HTR4: variants seen among roughly 807,000 people sequenced by gnomAD.
HTR4 encodes the protein 5-hydroxytryptamine (serotonin) receptor 4, G protein-coupled.
In HTR4, 16 loss-of-function variants were observed where a neutral mutation model predicts 36.8. The observed-to-expected ratio is 0.43, with a 90% CI of 0.29 to 0.66. The LOEUF is 0.66. Ranked by LOEUF, HTR4 falls within the 30% of genes least tolerant of loss-of-function variation. The pLI is 0.13. For synonymous variants in HTR4, 189 were observed against 185.1 expected (o/e 1.02, Z -0.17); for missense variants, 438 against 490.9 (o/e 0.89, Z 1.02).
intron 6 of HTR4, among the ~76,000 whole-genome samples, chr5:148,504,783 T>C (rs1330890234): frequency 1.3e-5 from 2 of 152,062 alleles, no homozygotes; most frequent in Admixed American, 6.6e-5. Flanking sequence ...AAGAATCAAA[T>C]AGACGCAATA....
At chr5:148,567,790 T>C (rs1037828380) in intron 2 of HTR4, among the ~76,000 whole-genome samples, 19 of 152,186 alleles carry the variant, frequency 1.2e-4, no homozygotes, top group African/African-American at 3.4e-4. Flanking sequence ...TTCTAATGAA[T>C]GTAGCATACT....
intron 2 of HTR4, among the ~76,000 whole-genome samples, chr5:148,557,871 G>C (rs560585797): frequency 4.6e-5 from 7 of 151,168 alleles, no homozygotes; most frequent in African/African-American, 1.7e-4. Context: ...AGGAAGCAAG[G>C]AGGCAGGGAA....
chr5:148,596,855 G>T (rs748626049), intron 2 of HTR4, among the ~76,000 whole-genome samples: 41 of 152,152 alleles, frequency 2.7e-4, no homozygotes, highest in Non-Finnish European at 5.3e-4. Context: ...GGTGCTAAAA[G>T]TTCAGTAGTG....
chr5:148,470,170 T>C (rs1217869414), intron 5 of HTR4, among the ~76,000 whole-genome samples: 1 of 152,230 alleles, frequency 6.6e-6, no homozygotes, highest in African/African-American at 2.4e-5. Context: ...ACAAGTATTT[T>C]TGAATAACTG....
rs541041160 is a variant in HTR4 at position 148,488,859 on chromosome 5, T to C, written c.1077-5566A>G. ...TTAATCTCATCACCAGTCTCAGATA[T>C]GTCCATGTTTCAATACACCAAAGTG... On this transcript the variant is annotated intron_variant, in intron 6 of 6. Transcript: ENST00000377888. Among the ~76,000 whole-genome samples the C allele has an allele frequency of 5.3e-5, 8 of 152,332 alleles. No homozygotes were observed. In the East Asian group the frequency reaches 1.5e-3, roughly 29 times the overall value.
chr5:148,532,834 C>A lies in HTR4; in HGVS notation c.354-9488G>T, dbSNP rs138901369. Reference sequence around the variant, plus strand: ...CAAATTGTATCATCTGTCAGAATCACTTAAAGGATTTGTTGAAACACAGAT... The same window carrying A: ...CAAATTGTATCATCTGTCAGAATCAATTAAAGGATTTGTTGAAACACAGAT... On this transcript the variant is annotated intron_variant, in intron 4 of 6. Coordinates refer to ENST00000377888, the MANE Select transcript of HTR4 (RefSeq NM_000870.7). Among the ~76,000 whole-genome samples the A allele has an allele frequency of 2.6e-4, 39 of 152,314 alleles. 2 individuals are homozygous for A. The East Asian group carries it at 7.3e-3, about 29-fold the overall frequency.
intron 4 of HTR4, among the ~76,000 whole-genome samples, chr5:148,540,872 T>G (rs183380024): frequency 6.6e-6 from 1 of 152,210 alleles, no homozygotes; most frequent in Admixed American, 6.5e-5. Context: ...GGCACTCAGC[T>G]ATGAGTCAGA....
At chr5:148,546,588 G>T (rs1759393761) in intron 4 of HTR4, among the ~76,000 whole-genome samples, 1 of 152,160 alleles carries the variant, frequency 6.6e-6, no homozygotes, top group Non-Finnish European at 1.5e-5. Context: ...TCTCAGGGCT[G>T]CCCACAGCAA....
chr5:148,643,677 TCTC>T (rs567299171), intron 1 of HTR4, among the ~76,000 whole-genome samples: 47 of 152,342 alleles, frequency 3.1e-4, no homozygotes, highest in African/African-American at 1.1e-3. Context: ...ATCTGAAAGT[TCTC>T]CTTGATAATT....
At chr5:148,562,353 C>T (rs986810412) in intron 2 of HTR4, among the ~76,000 whole-genome samples, 16 of 152,126 alleles carry the variant, frequency 1.1e-4, no homozygotes, top group African/African-American at 3.4e-4. Flanking sequence ...GACACAAAGA[C>T]CTATAAGAGC....
At chr5:148,503,927 TCAA>T (rs1177665457) in intron 6 of HTR4, among the ~76,000 whole-genome samples, 1 of 152,114 alleles carries the variant, frequency 6.6e-6, no homozygotes, top group Non-Finnish European at 1.5e-5. Flanking sequence ...AGGGATCAAT[TCAA>T]CAAGGAGAGC....
chr5:148,534,860 C>T (rs912454682), intron 4 of HTR4, among the ~76,000 whole-genome samples: 4 of 152,106 alleles, frequency 2.6e-5, no homozygotes, highest in African/African-American at 9.7e-5. Context: ...AGGTCCCTTC[C>T]TCTGCTGCCT....
Position 148,505,417 on chromosome 5 carries a change from C to T in HTR4, c.1076+4039G>A, listed in dbSNP as rs369962469. Among the ~76,000 whole-genome samples the T allele has an allele frequency of 2.2e-3, 340 of 152,102 alleles. 7 individuals carry two copies. In the East Asian group the frequency reaches 0.035, roughly 16 times the overall value. On this transcript the variant is annotated intron_variant, in intron 6 of 6. Transcript: ENST00000377888. ...TATGACAAACCCACAGCCAATATCA[C>T]ACTGAATGGGCAAAAACTGGAAGCA...
At chr5:148,539,803 A>G (rs7703446) in intron 4 of HTR4, among the ~76,000 whole-genome samples, 80,630 of 152,004 alleles carry the variant, frequency 0.53, 23,420 homozygotes, top group African/African-American at 0.78. Context: ...CATTGTGGAA[A>G]CACTATGGCG....
chr5:148,461,998 A>G (rs995075882), intron 5 of HTR4: 1 of 152,090 alleles, frequency 6.6e-6, no homozygotes, highest in African/African-American at 2.4e-5. Context: ...TCAGCAACAC[A>G]CTTCTAAATA....
intron 5 of HTR4, among the ~76,000 whole-genome samples, chr5:148,456,074 A>G (rs765899673): frequency 1.3e-5 from 2 of 152,130 alleles, no homozygotes; most frequent in South Asian, 2.1e-4. Context: ...TCACCATGGT[A>G]TGGTGACTGA....
Position 148,521,011 on chromosome 5 carries a change from G to T in HTR4, c.507+2182C>A, listed in dbSNP as rs201434712. ...CTAAGGGCTAAGAATGCGGTGAAAA[G>T]AGGAAAGGGCAGCTCCCTGTCTTGA... On this transcript the variant is annotated intron_variant, in intron 5 of 6. Transcript: ENST00000377888. 2,111 of 1,367,090 alleles carry T rather than the reference G, an allele frequency of 1.5e-3. 4 individuals carry two copies. The highest frequency in any genetic ancestry group is 1.9e-3 in the Non-Finnish European group (1,971 of 1,021,764). The allele number at this position is 1,367,090 out of a possible 1,614,324, so 84.7% of individuals were successfully genotyped here.
chr5:148,540,806 C>T (rs953960927), intron 4 of HTR4, among the ~76,000 whole-genome samples: 2 of 151,856 alleles, frequency 1.3e-5, no homozygotes, highest in African/African-American at 4.8e-5. Context: ...AATGAGGTTT[C>T]CAAAGGAAAG....
At chr5:148,531,689 GAAAGTTTCCTCTA>G (rs1031598483) in intron 4 of HTR4, among the ~76,000 whole-genome samples, 2 of 152,180 alleles carry the variant, frequency 1.3e-5, no homozygotes, top group Admixed American at 6.5e-5. Context: ...CTAAAGTTAA[GAAAGTTTCCTCTA>G]AAAATCAATT....
Sources: gnomAD v4.1 joint callset for allele counts (sites outside exome capture counted in the v4.1 genomes callset) on GRCh38, gnomAD v4.1.1 for gene constraint, MANE v1.5 for transcripts, NCBI Gene and HGNC (gene_info 2026-07-23, HGNC 2026-07-21) for gene names.